The following ZNF805 variants were observed in gnomAD, a reference collection of about 807,000 sequenced individuals.
ZNF805 encodes the protein zinc finger protein 805.
A neutral mutation model predicts 13.6 loss-of-function variants in ZNF805; 7 were observed. The ratio of observed to expected loss-of-function variants is 0.51; its 90% CI spans 0.29 to 0.97. The LOEUF is 0.97. ZNF805 is among the 50% of genes least tolerant of loss of function. ZNF805 has a pLI of 0.08. For synonymous variants in ZNF805, 293 were observed against 279.8 expected (o/e 1.05, Z -0.47); for missense variants, 604 against 771.0 (o/e 0.78, Z 2.57).
Position 57,259,400 on chromosome 19 carries a change from T to C in ZNF805, c.*4697T>C, listed in dbSNP as rs2087709908. Among the ~76,000 whole-genome samples the C allele has an allele frequency of 6.6e-6, 1 of 152,182 alleles. No individual in the cohort carries two copies. The highest frequency in any genetic ancestry group is 1.5e-5 in the Non-Finnish European group (1 of 68,032). ...TTCTGTTGACTTTTTTTCAGCTCAC[T>C]GATTCTTTTTTTCTGCCATATGCAG... is the stretch of plus-strand genomic sequence containing the variant. On this transcript the variant is annotated 3_prime_UTR_variant, in exon 4 of 4. Transcript: ENST00000414468.
intron 1 of ZNF805, 79 bp from the exon 2 acceptor site, chr19:57,243,844 T>G: frequency 1.2e-6 from 2 of 1,603,372 alleles, no homozygotes; most frequent in Non-Finnish European, 1.7e-6. Flanking sequence ...ACTTGGGCCT[T>G]GATCTTGTTG....
rs1045788996 is a variant in ZNF805, at chr19:57,258,563, A to C, written c.*3860A>C. ...GGTTGCTTTAAGTAGTATAATGTAC[A>C]TATGTAACATAATTACAGTTAATGG... On this transcript the variant is annotated 3_prime_UTR_variant, in exon 4 of 4. Coordinates refer to ENST00000414468, the MANE Select transcript of ZNF805 (RefSeq NM_001023563.4). 6.6e-6 allele frequency among the ~76,000 whole-genome samples: 1 copy of C among 151,358 alleles called. No homozygotes were observed. Among genetic ancestry groups the C allele is most frequent in the African/African-American group, 2.4e-5 (1 of 41,158 alleles).
chr19:57,248,690 C>G lies in ZNF805; in HGVS notation c.243C>G (p.Gly81=). ...CCAGGAAGGAAGACCTCTCCCAAGG[C>G]ACCTGTCCAGGTAGGAGCCAAGATC... ...PWTRKEDLSQ[G]TCPGDKGKPK... Residue 81 remains glycine (G), a synonymous_variant, in exon 3 of 4, where the codon GGC becomes GGG. Coordinates refer to ENST00000414468, the MANE Select transcript of ZNF805 (RefSeq NM_001023563.4). 6.3e-7 allele frequency: 1 copy of G among 1,589,652 alleles called. No individual in the cohort carries two copies. Among genetic ancestry groups the G allele is most frequent in the Non-Finnish European group, 8.6e-7 (1 of 1,166,642 alleles).
At chr19:57,248,828 C>G in intron 3 of ZNF805, 128 bp downstream of exon 3, 1 of 864,620 alleles carries the variant, frequency 1.2e-6, no homozygotes, top group Non-Finnish European at 1.9e-6. Flanking sequence ...CCTTGGAGCC[C>G]TTTAACCTGT....
intron 2 of ZNF805, among the ~76,000 whole-genome samples, chr19:57,245,524 A>T (rs535645133): frequency 2.6e-5 from 4 of 151,956 alleles, no homozygotes; most frequent in Non-Finnish European, 5.9e-5. Flanking sequence ...TCATGCCTGT[A>T]ATCCCAGCAC....
chr19:57,246,065 T>G (rs2122831242), intron 2 of ZNF805, among the ~76,000 whole-genome samples: 1 of 152,348 alleles, frequency 6.6e-6, no homozygotes, highest in South Asian at 2.1e-4. Context: ...TCTGGTTTAG[T>G]GCTGAGACTT....
intron 1 of ZNF805, among the ~76,000 whole-genome samples, chr19:57,242,827 C>CTACTTCACA (rs2087587774): frequency 1.3e-5 from 2 of 152,186 alleles, no homozygotes; most frequent in Non-Finnish European, 2.9e-5. Context: ...ATAGTAGATT[C>CTACTTCACA]ACGTGGGTGG....
chr19:57,257,187 T>C lies in ZNF805; in HGVS notation c.*2484T>C, dbSNP rs937154872. Reference sequence around the variant, plus strand: ...TCCTTATGACCCAGGATATAGGCTGTCTTGTTTTACATAGCTGCTTGAAAA... The same window carrying C: ...TCCTTATGACCCAGGATATAGGCTGCCTTGTTTTACATAGCTGCTTGAAAA... On this transcript the variant is annotated 3_prime_UTR_variant, in exon 4 of 4. Transcript: ENST00000414468. Among the ~76,000 whole-genome samples, 2 of 152,204 alleles carry C rather than the reference T, an allele frequency of 1.3e-5. No individual in the cohort carries two copies. The highest frequency in any genetic ancestry group is 2.9e-5 in the Non-Finnish European group (2 of 68,030).
rs1348675509 is a variant in ZNF805, at chr19:57,253,054, T to C, written c.254-19T>C. On this transcript the variant is annotated intron_variant, in intron 3 of 3. Coordinates refer to ENST00000414468, the MANE Select transcript of ZNF805 (RefSeq NM_001023563.4). This position sits in a 1 kb window ranked among gnomAD's most constrained non-coding sequence, Gnocchi z 4.4. Reference sequence around the variant, plus strand: ...TTTACATTACTAACAAGCCCTTCTGTGTGTTGGATTTCTTTCAGGTGACAA... The same window carrying C: ...TTTACATTACTAACAAGCCCTTCTGCGTGTTGGATTTCTTTCAGGTGACAA... 8.4e-6 allele frequency: 12 copies of C among 1,421,678 alleles called. No homozygotes were observed. The highest frequency in any genetic ancestry group is 1.4e-5 in the African/African-American group (1 of 69,232). 88.1% of individuals were successfully genotyped at this position (1,421,678 alleles called of 1,614,324 possible).
intron 3 of ZNF805, among the ~76,000 whole-genome samples, chr19:57,252,355 G>T (rs2087656850): frequency 6.6e-6 from 1 of 151,978 alleles, no homozygotes; most frequent in Non-Finnish European, 1.5e-5. Flanking sequence ...CCAACCTTAG[G>T]TTTCATAACT....
intron 2 of ZNF805, among the ~76,000 whole-genome samples, chr19:57,245,532 C>T (rs1431499902): frequency 1.3e-5 from 2 of 151,954 alleles, no homozygotes; most frequent in South Asian, 4.2e-4. Context: ...GTAATCCCAG[C>T]ACTTTGGGAG....
chr19:57,249,289 G>A (rs1449321316), intron 3 of ZNF805, among the ~76,000 whole-genome samples: 2 of 152,170 alleles, frequency 1.3e-5, no homozygotes. Context: ...TTGGGTCCAT[G>A]AGTCTAGGAA....
At chr19:57,252,492 C>T (rs566237027) in intron 3 of ZNF805, among the ~76,000 whole-genome samples, 2 of 152,310 alleles carry the variant, frequency 1.3e-5, no homozygotes, top group South Asian at 4.1e-4. Context: ...CACAAAGCTT[C>T]CTCAGTAACT....
intron 3 of ZNF805, 124 bp from the exon 4 acceptor site, chr19:57,252,949 A>T: frequency 1.2e-6 from 1 of 862,784 alleles, no homozygotes; most frequent in Non-Finnish European, 1.6e-6. Context: ...GGGGTTCAAG[A>T]TGGCAAAATA....
rs1035565568 is a variant in ZNF805, at chr19:57,261,202, T to C, written c.*6499T>C. The stretch of plus-strand genomic sequence containing the variant: ...TTTATTTATAATCTACTATTCTTAT[T>C]TGACAGTACATCTTGGCCATTCCTT... On this transcript the variant is annotated 3_prime_UTR_variant, in exon 4 of 4. Transcript: ENST00000414468. Among the ~76,000 whole-genome samples, 1 of 152,204 alleles carries C rather than the reference T, an allele frequency of 6.6e-6. No homozygotes were observed. Among genetic ancestry groups the C allele is most frequent in the Admixed American group, 6.5e-5 (1 of 15,280 alleles).
chr19:57,243,093 G>A (rs1201031603), intron 1 of ZNF805, among the ~76,000 whole-genome samples: 2 of 152,178 alleles, frequency 1.3e-5, no homozygotes, highest in Non-Finnish European at 2.9e-5. Context: ...GTGCGTTCCT[G>A]TAGTCCCAGC....
Position 57,254,746 on chromosome 19 carries a change from C to T in ZNF805, c.*43C>T, listed in dbSNP as rs774163780. On this transcript the variant is annotated 3_prime_UTR_variant, in exon 4 of 4. Coordinates refer to ENST00000414468, the MANE Select transcript of ZNF805 (RefSeq NM_001023563.4). ...AAATGTCATTTGTCACCTAAGGAGT[C>T]ATATTAGAAAATCACGCAGCTTAGA... 6.5e-7 allele frequency: 1 copy of T among 1,546,256 alleles called. No individual in the cohort carries two copies. The highest frequency in any genetic ancestry group is 8.7e-7 in the Non-Finnish European group (1 of 1,145,576).
At chr19:57,240,947 C>A in intron 1 of ZNF805, 26 bp downstream of exon 1, 1 of 1,556,532 alleles carries the variant, frequency 6.4e-7, no homozygotes, top group South Asian at 1.2e-5. Context: ...TTCGGCCTTG[C>A]TGCTTTTCTG....
rs1391742086 is a variant in ZNF805 at position 57,240,685 on chromosome 19, T to A, written c.-207T>A. 1.9e-6 allele frequency: 1 copy of A among 525,304 alleles called. No homozygotes were observed. Among genetic ancestry groups the A allele is most frequent in the African/African-American group, 2.0e-5 (1 of 50,472 alleles). The allele number at this position is 525,304 out of a possible 1,614,324, so 32.5% of individuals were successfully genotyped here. On this transcript the variant is annotated 5_prime_UTR_variant, in exon 1 of 4. Transcript: ENST00000414468. ...GGGCGGTGTTCCGTGGCCGCCTCCCTGGCGGCGCTGGGGAAATGAGCAGGT... is the reference window on the plus strand; with the variant it reads ...GGGCGGTGTTCCGTGGCCGCCTCCCAGGCGGCGCTGGGGAAATGAGCAGGT...
Sources: allele counts gnomAD v4.1 joint callset (sites outside exome capture counted in the v4.1 genomes callset), GRCh38; gene constraint gnomAD v4.1.1; non-coding constraint Gnocchi (gnomAD v3.1); transcripts MANE v1.5; gene names NCBI Gene and HGNC (gene_info 2026-07-23, HGNC 2026-07-21).